The following SPTBN1 variants were observed in gnomAD, a reference collection of about 807,000 sequenced individuals.
SPTBN1 encodes the protein spectrin beta, non-erythrocytic 1, also known as spectrin beta chain, non-erythrocytic 1.
Under a neutral mutation model 266.4 loss-of-function variants are expected in SPTBN1, and 32 were observed. That is an observed-to-expected ratio of 0.12 (90% CI 0.09 to 0.16). The LOEUF (loss-of-function observed/expected upper bound fraction) is 0.16, where lower values mean the gene tolerates loss of function less well. SPTBN1 is among the 10% of genes least tolerant of loss of function. SPTBN1 has a pLI of 1.00. For synonymous variants in SPTBN1, 1,336 were observed against 1,162.2 expected, an observed-to-expected ratio of 1.15 and a Z score of -3.04; for missense variants, 2,296 against 3,067.1, an observed-to-expected ratio of 0.75 and a Z score of 5.94.
In SPTBN1 at chr2:54,664,684, T is replaced by C; in HGVS notation, c.6652T>C (p.Ser2218Pro). The C allele has an allele frequency of 6.2e-7, 1 of 1,613,932 alleles. No homozygotes were observed. The highest frequency in any genetic ancestry group is 8.5e-7 in the Non-Finnish European group (1 of 1,179,944). ...GTGGGAGGCCCACAATAAGAAAGCC[T>C]CAAGCAGGTAACAGCAGCAGAGGCT... is the stretch of plus-strand genomic sequence containing the variant. The part of the protein sequence containing the change: ...HEWEAHNKKA[S>P]SRSWHNVYCV... The change falls in exon 33 of 36, where the codon TCA (serine) becomes CCA (proline). Residue 2218 changes from serine (S) to proline (P), a missense_variant. Coordinates refer to ENST00000356805, the MANE Select transcript of SPTBN1 (RefSeq NM_003128.3). The surrounding 1 kb of genome is among the most constrained non-coding windows in gnomAD (Gnocchi z 5.6).
chr2:54,510,625 A>G (rs1669808708), intron 1 of SPTBN1, among the ~76,000 whole-genome samples: 5 of 152,258 alleles, frequency 3.3e-5, no homozygotes, highest in Admixed American at 3.3e-4. Context: ...AACAAAGTGC[A>G]TATTATGTTG....
At chr2:54,644,721 G>T in intron 20 of SPTBN1, 135 bp downstream of exon 20, 1 of 1,149,024 alleles carries the variant, frequency 8.7e-7, no homozygotes, top group Non-Finnish European at 1.2e-6. Flanking sequence ...AATATTACTT[G>T]CTCTAACAGC....
At chr2:54,607,347 G>A (rs974604448) in intron 3 of SPTBN1, among the ~76,000 whole-genome samples, 2 of 152,198 alleles carry the variant, frequency 1.3e-5, no homozygotes, top group African/African-American at 4.8e-5. Flanking sequence ...TGGGAGGCCG[G>A]GGGGCTGGCT....
chr2:54,668,825 G>A lies in SPTBN1; in HGVS notation c.*256G>A. 1 of 417,988 alleles carries A rather than the reference G, an allele frequency of 2.4e-6. No homozygotes were observed. The highest frequency in any genetic ancestry group is 4.3e-6 in the Non-Finnish European group (1 of 230,198). 25.9% of individuals were successfully genotyped at this position (417,988 alleles called of 1,614,324 possible). ...ATGAAATTATATAGATTAGATCTCAGTATTTAAACTGTTCCTCAATTTTGT... is the reference window on the plus strand; with the variant it reads ...ATGAAATTATATAGATTAGATCTCAATATTTAAACTGTTCCTCAATTTTGT... On this transcript the variant is annotated 3_prime_UTR_variant, in exon 36 of 36. Transcript: ENST00000356805.
chr2:54,573,363 C>T (rs1674223841), intron 2 of SPTBN1, among the ~76,000 whole-genome samples: 1 of 152,164 alleles, frequency 6.6e-6, no homozygotes, highest in African/African-American at 2.4e-5. Context: ...GGAGTGGTAA[C>T]CTAGATCCTT....
chr2:54,520,616 T>A (rs1670377609), intron 1 of SPTBN1, among the ~76,000 whole-genome samples: 1 of 151,966 alleles, frequency 6.6e-6, no homozygotes, highest in Non-Finnish European at 1.5e-5. Flanking sequence ...CTTTTCTACA[T>A]ATTCCTTTTT....
chr2:54,662,592 A>C (rs1681119077), intron 32 of SPTBN1: 1 of 152,448 alleles, frequency 6.6e-6, no homozygotes, highest in Non-Finnish European at 1.5e-5. Flanking sequence ...TGGTTTCTCT[A>C]CATACTAACC....
In SPTBN1 at chr2:54,628,856, G is replaced by A; in HGVS notation, c.1799-77G>A. 1 of 1,505,102 alleles carries A rather than the reference G, an allele frequency of 6.6e-7. No homozygotes were observed. The highest frequency in any genetic ancestry group is 8.9e-7 in the Non-Finnish European group (1 of 1,126,922). The allele number at this position is 1,505,102 out of a possible 1,614,324, so 93.2% of individuals were successfully genotyped here. ...GGTAATCATAAGAATATGGGGTGTA[G>A]CTTACTGCCTGCCAGTGAGCCTGCA... On this transcript the variant is annotated intron_variant, in intron 13 of 35. Coordinates refer to ENST00000356805, the MANE Select transcript of SPTBN1 (RefSeq NM_003128.3). This position sits in a 1 kb window ranked among gnomAD's most constrained non-coding sequence, Gnocchi z 4.3.
At chr2:54,482,357 GA>G (rs66491029) in intron 1 of SPTBN1, among the ~76,000 whole-genome samples, 34,835 of 143,208 alleles carry the variant, frequency 0.24, 4,303 homozygotes, top group African/African-American at 0.33. Context: ...TCTACAGCAG[GA>G]AAAAAAAAAA....
At chr2:54,492,586 G>A (rs1381043416) in intron 1 of SPTBN1, among the ~76,000 whole-genome samples, 1 of 152,150 alleles carries the variant, frequency 6.6e-6, no homozygotes, top group Non-Finnish European at 1.5e-5. Flanking sequence ...TTCGAACTTA[G>A]GCAAGCTAGT....
chr2:54,465,145 G>C (rs2103817276), intron 1 of SPTBN1, among the ~76,000 whole-genome samples: 1 of 152,304 alleles, frequency 6.6e-6, no homozygotes, highest in African/African-American at 2.4e-5. Context: ...CTTCTTTGCA[G>C]TTTTCTAAGA....
chr2:54,496,549 T>C (rs1363034795), intron 1 of SPTBN1, among the ~76,000 whole-genome samples: 1 of 152,208 alleles, frequency 6.6e-6, no homozygotes, highest in East Asian at 1.9e-4. Flanking sequence ...TTAACTTATT[T>C]AGTCATCAAA....
At chr2:54,460,748 C>T (rs1573193985) in intron 1 of SPTBN1, among the ~76,000 whole-genome samples, 1 of 152,148 alleles carries the variant, frequency 6.6e-6, no homozygotes, top group Admixed American at 6.5e-5. Flanking sequence ...GCCTGTAATC[C>T]CAGCACTTTG....
intron 2 of SPTBN1, among the ~76,000 whole-genome samples, chr2:54,556,563 C>T (rs1173939446): frequency 2.0e-5 from 3 of 152,228 alleles, no homozygotes; most frequent in South Asian, 4.2e-4. Flanking sequence ...CATAGCTGGA[C>T]ACTTAGAGAC....
chr2:54,607,518 A>G (rs957763994), intron 3 of SPTBN1, among the ~76,000 whole-genome samples: 2 of 152,150 alleles, frequency 1.3e-5, no homozygotes, highest in African/African-American at 4.8e-5. Context: ...GCTACTTGGG[A>G]GGCTGAGGCA....
intron 18 of SPTBN1, among the ~76,000 whole-genome samples, chr2:54,639,159 C>A (rs181566937): frequency 7.3e-4 from 111 of 152,360 alleles, no homozygotes; most frequent in African/African-American, 2.5e-3. Context: ...AGGATACTCA[C>A]TTACAGAGGC....
intron 1 of SPTBN1, among the ~76,000 whole-genome samples, chr2:54,499,306 G>C (rs543080351): frequency 1.8e-4 from 28 of 152,116 alleles, no homozygotes; most frequent in Admixed American, 1.6e-3. Context: ...TTTAAACTTT[G>C]CTGGTTCATG....
At chr2:54,536,761 G>A (rs1338435421) in intron 2 of SPTBN1, among the ~76,000 whole-genome samples, 2 of 152,212 alleles carry the variant, frequency 1.3e-5, no homozygotes, top group African/African-American at 2.4e-5. Flanking sequence ...GCCGGGAGCT[G>A]TGGTTCATGC....
chr2:54,483,043 C>G (rs1426103315), intron 1 of SPTBN1, among the ~76,000 whole-genome samples: 3 of 152,136 alleles, frequency 2.0e-5, no homozygotes, highest in Admixed American at 2.0e-4. Context: ...CTGAGGAGGC[C>G]GGGCCAGGGA....
Sources: gnomAD v4.1 joint callset for allele counts (sites outside exome capture counted in the v4.1 genomes callset) on GRCh38, gnomAD v4.1.1 for gene constraint, Gnocchi (gnomAD v3.1) non-coding constraint, MANE v1.5 for transcripts, NCBI Gene and HGNC (gene_info 2026-07-23, HGNC 2026-07-21) for gene names.